TBC1D31: variants seen among roughly 807,000 people sequenced by gnomAD.
TBC1D31 encodes the protein TBC1 domain family member 31.
A neutral mutation model predicts 132.9 loss-of-function variants in TBC1D31; 99 were observed. That is an observed-to-expected ratio of 0.74 (90% CI 0.63 to 0.88). The LOEUF is 0.88. Ranked by LOEUF, TBC1D31 falls within the 40% of genes least tolerant of loss-of-function variation. The pLI, the probability that TBC1D31 is intolerant of heterozygous loss-of-function variation, is 0.00. For synonymous variants in TBC1D31, 385 were observed against 419.4 expected (o/e 0.92, Z 1.00); for missense variants, 1,134 against 1,256.6 (o/e 0.90, Z 1.48).
chr8:123,087,431 C>T (rs1321934452), intron 4 of TBC1D31, among the ~76,000 whole-genome samples: 1 of 152,172 alleles, frequency 6.6e-6, no homozygotes, highest in African/African-American at 2.4e-5. Context: ...CCATGGAAAT[C>T]CCAGAGTTCT....
chr8:123,129,324 C>T (rs1180373267), intron 15 of TBC1D31, 106 bp downstream of exon 15: 1 of 702,330 alleles, frequency 1.4e-6, no homozygotes, highest in Non-Finnish European at 2.1e-6. Context: ...TATAGGATTA[C>T]CCAGCTGTAG....
At position 123,126,079 on chromosome 8, in the gene TBC1D31, G is replaced by T. The variant is rs766188179; in HGVS notation, c.1594G>T (p.Glu532Ter). 73 of 1,606,442 alleles carry T rather than the reference G, an allele frequency of 4.5e-5. No individual in the cohort carries two copies. Among genetic ancestry groups the T allele is most frequent in the Non-Finnish European group, 5.7e-5 (67 of 1,177,086 alleles). Reference sequence around the variant, plus strand: ...AGTCAATTGGTGTCAACACTGGTTTGAATATTTTCCTAATCCTCCTATCAA... The same window carrying T: ...AGTCAATTGGTGTCAACACTGGTTTTAATATTTTCCTAATCCTCCTATCAA... ...LIINWCQHWFEYFPNPPINIL... is the reference protein window; with the variant it reads ...LIINWCQHWF Residue 532 changes from glutamate (E) to a stop codon, truncating the protein, a stop_gained, in exon 12 of 22, where the codon GAA becomes TAA. Coordinates refer to ENST00000287380, the MANE Select transcript of TBC1D31 (RefSeq NM_145647.4). LOFTEE classifies it high-confidence loss of function.
chr8:123,143,571 C>T (rs1821906223), intron 19 of TBC1D31, among the ~76,000 whole-genome samples: 1 of 152,180 alleles, frequency 6.6e-6, no homozygotes, highest in Non-Finnish European at 1.5e-5. Flanking sequence ...TTAATTGCTT[C>T]TCTCTGTTGC....
chr8:123,096,712 C>T (rs765811713), intron 5 of TBC1D31, among the ~76,000 whole-genome samples: 5 of 152,216 alleles, frequency 3.3e-5, no homozygotes, highest in African/African-American at 4.8e-5. Flanking sequence ...CATAGTATTA[C>T]CACACTTTTT....
rs143558057 is a variant in TBC1D31, at chr8:123,087,955, G to C, written c.519+3615G>C. On this transcript the variant is annotated intron_variant, in intron 4 of 21. Transcript: ENST00000287380. ...CTCAGCACTTTGGGAGTCCCAGGCG[G>C]GGGGATCACCTGAGGTCAGAAGTTC... Among the ~76,000 whole-genome samples the C allele has an allele frequency of 2.3e-3, 344 of 151,878 alleles. 1 individual carries two copies. Among genetic ancestry groups the C allele is most frequent in the African/African-American group, 7.6e-3 (316 of 41,346 alleles).
At chr8:123,108,440 T>C (rs1818146437) in intron 8 of TBC1D31, among the ~76,000 whole-genome samples, 2 of 152,076 alleles carry the variant, frequency 1.3e-5, no homozygotes, top group African/African-American at 4.8e-5. Flanking sequence ...CTCCCACATG[T>C]TTTTCTGCCA....
intron 8 of TBC1D31, 41 bp downstream of exon 8, chr8:123,105,505 G>C (rs559271257): frequency 6.5e-7 from 1 of 1,535,614 alleles, no homozygotes; most frequent in Non-Finnish European, 8.9e-7. Context: ...TGATTCTGCT[G>C]TAGACAAGTC....
At chr8:123,144,901 TC>T in intron 20 of TBC1D31, 46 bp downstream of exon 20, 1 of 1,555,934 alleles carries the variant, frequency 6.4e-7, no homozygotes, top group Non-Finnish European at 8.7e-7. Context: ...ACAGATTTAT[TC>T]TTTTAGTAGG....
chr8:123,147,665 C>T (rs1298139097), intron 20 of TBC1D31, among the ~76,000 whole-genome samples: 3 of 151,998 alleles, frequency 2.0e-5, no homozygotes, highest in Non-Finnish European at 4.4e-5. Context: ...GTTTTTTAAC[C>T]TTGCTGAATT....
intron 20 of TBC1D31, among the ~76,000 whole-genome samples, chr8:123,147,912 G>A (rs969688157): frequency 9.2e-5 from 14 of 151,980 alleles, no homozygotes; most frequent in Admixed American, 2.6e-4. Context: ...CAGATCACAA[G>A]GTCAGGAGTT....
At chr8:123,086,481 G>A (rs531636169) in intron 4 of TBC1D31, among the ~76,000 whole-genome samples, 4 of 152,264 alleles carry the variant, frequency 2.6e-5, no homozygotes, top group African/African-American at 9.6e-5. Context: ...TTTCTGCAGA[G>A]TCAGGCCTCC....
At chr8:123,134,704 A>T (rs559163951) in intron 17 of TBC1D31, among the ~76,000 whole-genome samples, 2 of 152,262 alleles carry the variant, frequency 1.3e-5, no homozygotes, top group Non-Finnish European at 2.9e-5. Context: ...TATTTAATTC[A>T]TGTTTCTGTT....
intron 11 of TBC1D31, among the ~76,000 whole-genome samples, chr8:123,124,144 A>G (rs1387199305): frequency 6.6e-6 from 1 of 151,612 alleles, no homozygotes; most frequent in African/African-American, 2.4e-5. Context: ...TAAAAAATTT[A>G]CTGAACTTCA....
At chr8:123,100,624 C>T (rs1817304636) in intron 6 of TBC1D31, among the ~76,000 whole-genome samples, 183 bp from the exon 7 acceptor site, 1 of 151,502 alleles carries the variant, frequency 6.6e-6, no homozygotes, top group South Asian at 2.1e-4. Flanking sequence ...TATAATATCT[C>T]ACTGAGAATA....
At chr8:123,078,959 T>C (rs1052300889) in intron 2 of TBC1D31, among the ~76,000 whole-genome samples, 1 of 152,196 alleles carries the variant, frequency 6.6e-6, no homozygotes, top group Admixed American at 6.5e-5. Flanking sequence ...GTGGAATGAA[T>C]CAAAATTTGT....
At chr8:123,129,764 C>A (rs1334558847) in intron 15 of TBC1D31, among the ~76,000 whole-genome samples, 1 of 151,934 alleles carries the variant, frequency 6.6e-6, no homozygotes, top group Non-Finnish European at 1.5e-5. Context: ...CAAGGCCAGC[C>A]TGGGCAACAT....
chr8:123,136,160 T>G (rs866624000), intron 17 of TBC1D31, among the ~76,000 whole-genome samples: 3 of 152,244 alleles, frequency 2.0e-5, no homozygotes, highest in South Asian at 2.1e-4. Flanking sequence ...TAACATAAGA[T>G]GATCTGATAT....
rs1171189048 is a variant in TBC1D31, at chr8:123,103,064, G to T, written c.1032+2057G>T. ...AGAAACACACATATATGTATTGATT[G>T]ATTAATGAGGCTCTCAGGAACCTGA... On this transcript the variant is annotated intron_variant, in intron 7 of 21. Coordinates refer to ENST00000287380, the MANE Select transcript of TBC1D31 (RefSeq NM_145647.4). 3 of 152,316 alleles carry T rather than the reference G, an allele frequency of 2.0e-5. No homozygotes were observed. The East Asian group carries it at 5.8e-4, about 29-fold the overall frequency. 9.4% of individuals were successfully genotyped at this position (152,316 alleles called of 1,614,324 possible).
At chr8:123,151,317 C>T (rs1822752069) in intron 21 of TBC1D31, among the ~76,000 whole-genome samples, 1 of 152,190 alleles carries the variant, frequency 6.6e-6, no homozygotes, top group Non-Finnish European at 1.5e-5. Flanking sequence ...ATCAGTAACG[C>T]TCTTACACTT....
Sources: gnomAD v4.1 joint callset for allele counts (sites outside exome capture counted in the v4.1 genomes callset) on GRCh38, gnomAD v4.1.1 for gene constraint, MANE v1.5 for transcripts, NCBI Gene and HGNC (gene_info 2026-07-23, HGNC 2026-07-21) for gene names.